Variants in PTPRN2 observed in about 807,000 individuals in gnomAD.
PTPRN2 encodes the protein receptor-type tyrosine-protein phosphatase N2.
PTPRN2 carries 74 observed loss-of-function variants against 118.8 expected under a neutral mutation model. That is an observed-to-expected ratio of 0.62 (90% confidence interval 0.52 to 0.76). The LOEUF is 0.76. Among genes scored for constraint, PTPRN2 ranks in the 30% least tolerant of loss-of-function variants. The probability of loss-of-function intolerance (pLI) is 0.00; values close to 1 mark genes in which losing one functional copy is unlikely to be tolerated. For missense variants in PTPRN2, 1,481 were observed against 1,394.4 expected, an observed-to-expected ratio of 1.06 and a Z score of -0.99; for synonymous variants, 641 against 608.0, an observed-to-expected ratio of 1.05 and a Z score of -0.80.
intron 3 of PTPRN2, among the ~76,000 whole-genome samples, chr7:158,240,882 A>G (rs1419755523): frequency 2.0e-5 from 3 of 152,262 alleles, no homozygotes; most frequent in Non-Finnish European, 2.9e-5. Context: ...AAGGCCATCA[A>G]ACTGTTTGTG....
chr7:158,502,177 T>C (rs555474971), intron 1 of PTPRN2, among the ~76,000 whole-genome samples: 2 of 152,320 alleles, frequency 1.3e-5, no homozygotes, highest in Non-Finnish European at 2.9e-5. Context: ...CAAACCATGG[T>C]CTGCCACTGC....
rs535407144 is a variant in PTPRN2, at chr7:157,897,423, G to C, written c.1788+1250C>G. ...TTGGCTTCTTTCTCACCCTTCACTG[G>C]GTGCTAAAGAGACAGCAAGCTCCCG... On this transcript the variant is annotated intron_variant, in intron 12 of 22. Coordinates refer to ENST00000389418, the MANE Select transcript of PTPRN2 (RefSeq NM_002847.5). 4.9e-4 allele frequency among the ~76,000 whole-genome samples: 75 copies of C among 152,218 alleles called. 2 individuals are homozygous for C. In the South Asian group the frequency reaches 0.015, roughly 30 times the overall value.
rs114348007 is a variant in PTPRN2 at position 158,480,276 on chromosome 7, G to A, written c.163+9459C>T. 7.1e-3 allele frequency among the ~76,000 whole-genome samples: 1,081 copies of A among 152,244 alleles called. 6 individuals carry two copies. Among genetic ancestry groups the A allele is most frequent in the South Asian group, 0.024 (114 of 4,816 alleles). On this transcript the variant is annotated intron_variant, in intron 2 of 22. Transcript: ENST00000389418. ...GTGTTGGATCCCTGAGCTGTGATCC[G>A]TGATCTTTGGTGTTACTGTCATTGT...
At chr7:157,879,836 TA>T (rs11459962) in intron 12 of PTPRN2, among the ~76,000 whole-genome samples, 2,792 of 119,738 alleles carry the variant, frequency 0.023, 48 homozygotes, top group African/African-American at 0.038. Context: ...ACGTCTTTGT[TA>T]AAAAAAAAAA....
At chr7:158,242,520 T>A (rs1208788911) in intron 3 of PTPRN2, among the ~76,000 whole-genome samples, 1 of 152,232 alleles carries the variant, frequency 6.6e-6, no homozygotes, top group Admixed American at 6.5e-5. Context: ...TTTGTCTGGC[T>A]TTGGCATCAG....
intron 2 of PTPRN2, among the ~76,000 whole-genome samples, chr7:158,408,086 A>G (rs1182334098): frequency 6.6e-6 from 1 of 152,234 alleles, no homozygotes; most frequent in African/African-American, 2.4e-5. Flanking sequence ...CAAATGCTGA[A>G]GTCAACGTGA....
At chr7:158,374,972 TG>T (rs769420334) in intron 2 of PTPRN2, among the ~76,000 whole-genome samples, 120 of 152,104 alleles carry the variant, frequency 7.9e-4, no homozygotes, top group African/African-American at 2.3e-3. Flanking sequence ...TAATAAAGGG[TG>T]GGGCTAAAAT....
intron 2 of PTPRN2, among the ~76,000 whole-genome samples, chr7:158,450,478 A>T (rs192321591): frequency 6.7e-4 from 102 of 152,354 alleles, no homozygotes; most frequent in African/African-American, 2.4e-3. Flanking sequence ...ATATTAAGTG[A>T]ATATTCATCC....
rs149298663 is a variant in PTPRN2, at chr7:157,962,694, A to G, written c.1724-63957T>C. On this transcript the variant is annotated intron_variant, in intron 11 of 22. Transcript: ENST00000389418. ...GAAGAGTCCGGTGGGAAGGGTTTTC[A>G]GTGACAAGCATAGGAAGGGTTCGTG... Among the ~76,000 whole-genome samples, 850 of 152,292 alleles carry G rather than the reference A, an allele frequency of 5.6e-3. 11 individuals are homozygous for G. The highest frequency in any genetic ancestry group is 0.019 in the African/African-American group (804 of 41,560).
chr7:158,150,497 C>T (rs1351561488), intron 6 of PTPRN2, among the ~76,000 whole-genome samples: 1 of 152,184 alleles, frequency 6.6e-6, no homozygotes, highest in African/African-American at 2.4e-5. Flanking sequence ...CACTGACCTT[C>T]ACTGCAAAGC....
chr7:158,008,726 G>A (rs1006568958), intron 11 of PTPRN2, among the ~76,000 whole-genome samples: 4 of 152,204 alleles, frequency 2.6e-5, no homozygotes, highest in Non-Finnish European at 5.9e-5. Flanking sequence ...TGGCGCATGC[G>A]GGCCTCTAAC....
intron 11 of PTPRN2, among the ~76,000 whole-genome samples, chr7:158,064,413 T>G (rs1009897269): frequency 6.6e-6 from 1 of 151,912 alleles, no homozygotes; most frequent in Non-Finnish European, 1.5e-5. Flanking sequence ...GGGAGGTGCA[T>G]GAGGGAGCTG....
At chr7:158,246,193 C>T (rs1030606012) in intron 3 of PTPRN2, among the ~76,000 whole-genome samples, 6 of 151,846 alleles carry the variant, frequency 4.0e-5, no homozygotes, top group East Asian at 3.9e-4. Flanking sequence ...GTAAGCTTCT[C>T]GGCACATACG....
At position 157,987,931 on chromosome 7, in the gene PTPRN2, C is replaced by A. The variant is rs759792517; in HGVS notation, c.1724-89194G>T. Reference sequence around the variant, plus strand: ...ATGCAGCAGGGATCCAGAGAAGGGTCTCCGGACATCACTGATGCCCCCAGC... The same window carrying A: ...ATGCAGCAGGGATCCAGAGAAGGGTATCCGGACATCACTGATGCCCCCAGC... On this transcript the variant is annotated intron_variant, in intron 11 of 22. Transcript: ENST00000389418. The surrounding 1 kb of genome is among the most constrained non-coding windows in gnomAD (Gnocchi z 4.3). Among the ~76,000 whole-genome samples, 1 of 150,620 alleles carries A rather than the reference C, an allele frequency of 6.6e-6. No homozygotes were observed. Among genetic ancestry groups the A allele is most frequent in the African/African-American group, 2.5e-5 (1 of 40,804 alleles).
At chr7:157,584,667 G>C (rs1307865534) in intron 17 of PTPRN2, among the ~76,000 whole-genome samples, 2 of 152,234 alleles carry the variant, frequency 1.3e-5, no homozygotes, top group Non-Finnish European at 2.9e-5. Context: ...CTCGTGGGCT[G>C]AACAGAGGTT....
chr7:157,698,905 G>T (rs886848874), intron 12 of PTPRN2, among the ~76,000 whole-genome samples: 1 of 152,146 alleles, frequency 6.6e-6, no homozygotes, highest in South Asian at 2.1e-4. Flanking sequence ...TTGAATGTTT[G>T]TAAGAAAGAC....
At chr7:157,914,605 T>A (rs1292265471) in intron 11 of PTPRN2, among the ~76,000 whole-genome samples, 1 of 151,958 alleles carries the variant, frequency 6.6e-6, no homozygotes, top group African/African-American at 2.4e-5. Flanking sequence ...AGCTACCTTT[T>A]TTTTTTTTAA....
At chr7:157,922,936 G>A (rs1297629278) in intron 11 of PTPRN2, among the ~76,000 whole-genome samples, 2 of 152,322 alleles carry the variant, frequency 1.3e-5, no homozygotes, top group East Asian at 3.9e-4. Flanking sequence ...CCTGCTCTGG[G>A]ACCAGCCATC....
intron 17 of PTPRN2, among the ~76,000 whole-genome samples, chr7:157,589,645 C>G (rs1241681826): frequency 6.6e-6 from 1 of 152,138 alleles, no homozygotes; most frequent in African/African-American, 2.4e-5. Flanking sequence ...TGTTAAGACT[C>G]CTTATTTAGA....
Sources: gnomAD v4.1 joint callset for allele counts (sites outside exome capture counted in the v4.1 genomes callset) on GRCh38, gnomAD v4.1.1 for gene constraint, Gnocchi (gnomAD v3.1) non-coding constraint, MANE v1.5 for transcripts, NCBI Gene and HGNC (gene_info 2026-07-23, HGNC 2026-07-21) for gene names.